The following OPCML variants were observed in gnomAD, a reference collection of about 807,000 sequenced individuals.
OPCML encodes opioid binding protein/cell adhesion molecule like, also known as opioid-binding protein/cell adhesion molecule.
Under a neutral mutation model 37.8 loss-of-function variants are expected in OPCML, and 13 were observed. That is an observed-to-expected ratio of 0.34 (90% confidence interval 0.22 to 0.55). The LOEUF is 0.55. OPCML is among the 20% of genes least tolerant of loss of function. The pLI is 0.91. For synonymous variants in OPCML, 176 were observed against 168.8 expected, an observed-to-expected ratio of 1.04 and a Z score of -0.33; for missense variants, 341 against 435.6, an observed-to-expected ratio of 0.78 and a Z score of 1.93.
intron 1 of OPCML, among the ~76,000 whole-genome samples, chr11:133,376,535 A>G (rs991839504): frequency 6.6e-6 from 1 of 152,220 alleles, no homozygotes; most frequent in African/African-American, 2.4e-5. Context: ...TACTATGTAG[A>G]CATGTGTATT....
intron 3 of OPCML, among the ~76,000 whole-genome samples, chr11:132,601,817 G>A (rs1263061895): frequency 6.6e-6 from 1 of 152,104 alleles, no homozygotes; most frequent in Non-Finnish European, 1.5e-5. Flanking sequence ...GTCAGGGTGA[G>A]GGGTACATCC....
At chr11:132,457,004 G>A (rs956591977) in intron 4 of OPCML, among the ~76,000 whole-genome samples, 1 of 152,188 alleles carries the variant, frequency 6.6e-6, no homozygotes, top group Non-Finnish European at 1.5e-5. Flanking sequence ...CTCATGCATG[G>A]GGGGAGGGAT....
chr11:132,731,040 G>A (rs2136009370), intron 2 of OPCML, among the ~76,000 whole-genome samples: 1 of 152,320 alleles, frequency 6.6e-6, no homozygotes, highest in Middle Eastern at 3.4e-3. Context: ...CTAGAGCTGT[G>A]CAGTTCAGGA....
At chr11:133,524,919 G>T (rs761823691) in intron 1 of OPCML, among the ~76,000 whole-genome samples, 5 of 152,194 alleles carry the variant, frequency 3.3e-5, no homozygotes, top group African/African-American at 9.6e-5. Context: ...ATTGCCTAAA[G>T]TAAGTGAGCA....
intron 1 of OPCML, among the ~76,000 whole-genome samples, chr11:133,493,737 G>GT (rs1049972567): frequency 6.6e-6 from 1 of 152,106 alleles, no homozygotes; most frequent in Admixed American, 6.6e-5. Context: ...TATTTTAAGA[G>GT]TTTTTTAATG....
At chr11:132,794,779 C>T (rs1938196914) in intron 2 of OPCML, among the ~76,000 whole-genome samples, 1 of 151,966 alleles carries the variant, frequency 6.6e-6, no homozygotes, top group African/African-American at 2.4e-5. Flanking sequence ...ATAATAAATG[C>T]CATTGCTAGG....
intron 2 of OPCML, among the ~76,000 whole-genome samples, chr11:132,937,364 C>G (rs1441925316): frequency 6.6e-6 from 1 of 152,144 alleles, no homozygotes; most frequent in Non-Finnish European, 1.5e-5. Flanking sequence ...AACAATTACC[C>G]AAAGGGCTTA....
At chr11:132,446,103 CTTTT>C (rs58784534) in intron 4 of OPCML, among the ~76,000 whole-genome samples, 1 of 48,502 alleles carries the variant, frequency 2.1e-5, no homozygotes, top group South Asian at 9.5e-4. Flanking sequence ...CTGCTTGTGT[CTTTT>C]TTTTTTTTTT....
At chr11:133,185,684 A>G (rs1272143519) in intron 1 of OPCML, among the ~76,000 whole-genome samples, 1 of 152,174 alleles carries the variant, frequency 6.6e-6, no homozygotes, top group African/African-American at 2.4e-5. Flanking sequence ...GCTCCCATAG[A>G]TATTTTATTT....
intron 2 of OPCML, among the ~76,000 whole-genome samples, chr11:132,916,281 CT>C (rs1944600207): frequency 6.6e-6 from 1 of 152,182 alleles, no homozygotes; most frequent in Admixed American, 6.6e-5. Context: ...GAGACTCCCT[CT>C]TGTCAGGCAT....
chr11:132,922,952 G>A (rs1193363024), intron 2 of OPCML, among the ~76,000 whole-genome samples: 1 of 151,816 alleles, frequency 6.6e-6, no homozygotes. Context: ...GTGTGGTGGT[G>A]CATGCCAGCT....
At chr11:133,264,615 G>A (rs927064980) in intron 1 of OPCML, among the ~76,000 whole-genome samples, 6 of 152,076 alleles carry the variant, frequency 3.9e-5, no homozygotes, top group African/African-American at 1.2e-4. Context: ...TGGTGTCAAC[G>A]AGAAATCAGA....
At chr11:133,070,967 G>C (rs1177444030) in intron 1 of OPCML, among the ~76,000 whole-genome samples, 4 of 152,192 alleles carry the variant, frequency 2.6e-5, no homozygotes, top group African/African-American at 9.7e-5. Context: ...AGCCAGGCAA[G>C]GCCTTTCCCA....
chr11:133,026,553 A>G (rs1216040389), intron 1 of OPCML: 7 of 985,166 alleles, frequency 7.1e-6, no homozygotes, highest in Non-Finnish European at 8.4e-6. Context: ...TCCTTTCCAA[A>G]CACCTAAATC....
At chr11:133,483,727 A>T (rs1206638572) in intron 1 of OPCML, among the ~76,000 whole-genome samples, 1 of 149,976 alleles carries the variant, frequency 6.7e-6, no homozygotes, top group Non-Finnish European at 1.5e-5. Flanking sequence ...TAGATAAAAT[A>T]GGCAGATTAG....
At chr11:132,761,602 T>C (rs1946269432) in intron 2 of OPCML, among the ~76,000 whole-genome samples, 1 of 152,142 alleles carries the variant, frequency 6.6e-6, no homozygotes, top group Non-Finnish European at 1.5e-5. Flanking sequence ...TCGATTCAGC[T>C]ATCGATACTT....
chr11:133,101,193 G>T (rs1289267998), intron 1 of OPCML, among the ~76,000 whole-genome samples: 3 of 152,126 alleles, frequency 2.0e-5, no homozygotes, highest in Non-Finnish European at 4.4e-5. Flanking sequence ...AAAGTGCTAG[G>T]GTGACAAGTG....
intron 1 of OPCML, among the ~76,000 whole-genome samples, chr11:133,333,517 G>A (rs1269223604): frequency 6.6e-6 from 1 of 152,138 alleles, no homozygotes; most frequent in Non-Finnish European, 1.5e-5. Context: ...AGGCTTACAT[G>A]TAAACCCAAA....
At chr11:133,286,803 AGAAAACCAT>A (rs1942312280) in intron 1 of OPCML, among the ~76,000 whole-genome samples, 1 of 152,246 alleles carries the variant, frequency 6.6e-6, no homozygotes, top group African/African-American at 2.4e-5. Context: ...AAAGGGCTAC[AGAAAACCAT>A]GCTGGATAAA....
Sources: allele counts gnomAD v4.1 joint callset (sites outside exome capture counted in the v4.1 genomes callset), GRCh38; gene constraint gnomAD v4.1.1; transcripts MANE v1.5; gene names NCBI Gene and HGNC (gene_info 2026-07-23, HGNC 2026-07-21).